Variants in PLA2G4C observed in about 807,000 individuals in gnomAD.
PLA2G4C encodes the protein cytosolic phospholipase A2 gamma.
Under a neutral mutation model 73.8 loss-of-function variants are expected in PLA2G4C, and 64 were observed. That is an observed-to-expected ratio of 0.87 (90% confidence interval 0.71 to 1.07). PLA2G4C has a LOEUF of 1.07. Among genes scored for constraint, PLA2G4C ranks in the 50% least tolerant of loss-of-function variants. The pLI is 0.00. For missense variants in PLA2G4C, 622 were observed against 665.4 expected (o/e 0.93, Z 0.72); for synonymous variants, 254 against 252.1 (o/e 1.01, Z -0.07).
chr19:48,054,135 C>T (rs973562589), intron 15 of PLA2G4C, among the ~76,000 whole-genome samples: 30 of 152,146 alleles, frequency 2.0e-4, no homozygotes, highest in African/African-American at 7.0e-4. Flanking sequence ...CAGCTCCATT[C>T]GGCCTGGCCT....
At chr19:48,090,177 A>T (rs757739023) in intron 8 of PLA2G4C, 187 bp downstream of exon 8, 29 of 583,832 alleles carry the variant, frequency 5.0e-5, no homozygotes, top group African/African-American at 1.1e-4. Flanking sequence ...CTTCCAAGGG[A>T]GTCTGTACTC....
intron 12 of PLA2G4C, among the ~76,000 whole-genome samples, chr19:48,073,556 C>G (rs997329609): frequency 6.6e-6 from 1 of 151,446 alleles, no homozygotes; most frequent in African/African-American, 2.4e-5. Context: ...GATGGATGGC[C>G]GGTTGGGTGG....
At chr19:48,051,559 G>C (rs780023785) in intron 16 of PLA2G4C, among the ~76,000 whole-genome samples, 38 of 78,388 alleles carry the variant, frequency 4.8e-4, no homozygotes, top group Non-Finnish European at 9.3e-4. Flanking sequence ...GGAGAGATGA[G>C]AGAGAGAGAT....
Position 48,090,351 on chromosome 19 carries a change from C to G in PLA2G4C, c.763+13G>C. ...TCTCTAGGGTTTGACCTTTCTGTTC[C>G]CCAAATACTCACCAAAAATGTATTC... is the stretch of plus-strand genomic sequence containing the variant. On this transcript the variant is annotated intron_variant, in intron 8 of 16. Transcript: ENST00000599921. 6.3e-7 allele frequency: 1 copy of G among 1,591,708 alleles called. No individual in the cohort carries two copies. The highest frequency in any genetic ancestry group is 8.6e-7 in the Non-Finnish European group (1 of 1,159,710).
At chr19:48,107,350 T>A (rs1052083240) in intron 1 of PLA2G4C, among the ~76,000 whole-genome samples, 24 of 151,498 alleles carry the variant, frequency 1.6e-4, no homozygotes, top group East Asian at 3.9e-4. Flanking sequence ...TTCTTTTTTT[T>A]AAAACAAAAA....
At chr19:48,076,527 G>A (rs2030167749) in intron 11 of PLA2G4C, among the ~76,000 whole-genome samples, 1 of 152,166 alleles carries the variant, frequency 6.6e-6, no homozygotes, top group Admixed American at 6.6e-5. Context: ...CAGATCACTT[G>A]AGGTCAGGAG....
At chr19:48,056,093 C>T (rs1285843506) in intron 14 of PLA2G4C, among the ~76,000 whole-genome samples, 1 of 152,140 alleles carries the variant, frequency 6.6e-6, no homozygotes, top group Non-Finnish European at 1.5e-5. Context: ...CCTGTGGCCT[C>T]CTTCCGTGCT....
rs989491665 is a variant in PLA2G4C at position 48,106,533 on chromosome 19, G to T, written c.-4C>A. The T allele has an allele frequency of 6.2e-7, 1 of 1,612,024 alleles. No individual in the cohort carries two copies. The highest frequency in any genetic ancestry group is 1.3e-5 in the African/African-American group (1 of 74,884). The stretch of plus-strand genomic sequence containing the variant: ...CTAAGAGGACTTACCTTCCCATGGT[G>T]CACTGCGGTCAGAAAATTCTCAGTC... On this transcript the variant is annotated 5_prime_UTR_variant, in exon 2 of 17. Transcript: ENST00000599921.
chr19:48,079,916 G>C (rs113334110), intron 10 of PLA2G4C, among the ~76,000 whole-genome samples: 2 of 152,216 alleles, frequency 1.3e-5, no homozygotes, highest in African/African-American at 4.8e-5. Flanking sequence ...AGCCGAGATC[G>C]TGCTGCTGCA....
chr19:48,049,641 A>G (rs1055724433), intron 16 of PLA2G4C, among the ~76,000 whole-genome samples: 1 of 152,306 alleles, frequency 6.6e-6, no homozygotes, highest in African/African-American at 2.4e-5. Flanking sequence ...AATGAACACC[A>G]TGGTGAGCAA....
At chr19:48,090,671 G>A (rs2031243884) in intron 7 of PLA2G4C, 1 of 480,516 alleles carries the variant, frequency 2.1e-6, no homozygotes, top group African/African-American at 2.0e-5. Flanking sequence ...GAGCCAGCCG[G>A]GCACTGTAGA....
rs200924251 is a variant in PLA2G4C, at chr19:48,104,665, A to G, written c.180T>C (p.Leu60=). ...GGGLRAHIAC[L]GVLSEMKEQG... ...GTTCTTTCATCTCACTCAGGACCCC[A>G]AGGCAGGCAATGTGAGCCCGCAGTC... Residue 60 remains leucine (L), a synonymous_variant, in exon 4 of 17, where the codon CTT becomes CTC. Coordinates refer to ENST00000599921, the MANE Select transcript of PLA2G4C (RefSeq NM_003706.3). 1.9e-6 allele frequency: 3 copies of G among 1,614,090 alleles called. No individual in the cohort carries two copies. In the East Asian group the frequency reaches 6.7e-5, roughly 36 times the overall value.
intron 14 of PLA2G4C, among the ~76,000 whole-genome samples, chr19:48,056,558 G>A (rs1448958744): frequency 3.3e-5 from 5 of 150,036 alleles, no homozygotes. Context: ...GGGCATGGTG[G>A]CTCATGGCTC....
At position 48,085,039 on chromosome 19, in the gene PLA2G4C, T is replaced by C. The variant is rs1170700129; in HGVS notation, c.844+20A>G. On this transcript the variant is annotated intron_variant, in intron 10 of 16. Coordinates refer to ENST00000599921, the MANE Select transcript of PLA2G4C (RefSeq NM_003706.3). ...TAAAATATCTCTAGGCTTTGACCTTTCTGTTCCCCAAATACTCACCAAAAA... is the reference window on the plus strand; with the variant it reads ...TAAAATATCTCTAGGCTTTGACCTTCCTGTTCCCCAAATACTCACCAAAAA... The C allele has an allele frequency of 3.8e-6, 6 of 1,580,266 alleles. No homozygotes were observed. The highest frequency in any genetic ancestry group is 5.2e-6 in the Non-Finnish European group (6 of 1,149,380).
At chr19:48,084,702 G>A (rs2030869510) in intron 10 of PLA2G4C, among the ~76,000 whole-genome samples, 1 of 152,208 alleles carries the variant, frequency 6.6e-6, no homozygotes, top group Non-Finnish European at 1.5e-5. Context: ...ACCAGACACT[G>A]TCCTATGTGC....
At chr19:48,093,837 G>C (rs1050673605) in intron 7 of PLA2G4C, among the ~76,000 whole-genome samples, 1 of 152,182 alleles carries the variant, frequency 6.6e-6, no homozygotes, top group Non-Finnish European at 1.5e-5. Context: ...TGCTGTACTC[G>C]TGATAGCGAG....
chr19:48,100,645 T>C (rs71355797), intron 4 of PLA2G4C, among the ~76,000 whole-genome samples: 40,336 of 141,396 alleles, frequency 0.29, 8,956 homozygotes, highest in African/African-American at 0.63. Flanking sequence ...CGTGGTGGCT[T>C]ACGCCTGTGA....
chr19:48,079,785 A>T (rs1276807261), intron 10 of PLA2G4C, among the ~76,000 whole-genome samples: 6 of 152,118 alleles, frequency 3.9e-5, no homozygotes, highest in African/African-American at 1.4e-4. Flanking sequence ...ACATGACGAA[A>T]CCCCATCTCT....
intron 12 of PLA2G4C, among the ~76,000 whole-genome samples, chr19:48,073,919 C>T (rs2029958782): frequency 6.6e-6 from 1 of 152,072 alleles, no homozygotes; most frequent in Non-Finnish European, 1.5e-5. Flanking sequence ...CCAATCACCT[C>T]CCACCAGGCC....
Sources: gnomAD v4.1 joint callset for allele counts (sites outside exome capture counted in the v4.1 genomes callset) on GRCh38, gnomAD v4.1.1 for gene constraint, MANE v1.5 for transcripts, NCBI Gene and HGNC (gene_info 2026-07-23, HGNC 2026-07-21) for gene names.